FSTL5: variants seen among roughly 807,000 people sequenced by gnomAD.
FSTL5 encodes the protein follistatin like 5.
In FSTL5, 62 loss-of-function variants were observed where a neutral mutation model predicts 89.1. The ratio of observed to expected loss-of-function variants is 0.70; its 90% CI spans 0.57 to 0.86. The LOEUF (loss-of-function observed/expected upper bound fraction) is 0.86, where lower values mean the gene tolerates loss of function less well. FSTL5 is among the 40% of genes least tolerant of loss of function. The probability of loss-of-function intolerance (pLI) is 0.00; values close to 1 mark genes in which losing one functional copy is unlikely to be tolerated. For missense variants in FSTL5, 1,057 were observed against 1,001.6 expected, an observed-to-expected ratio of 1.06 and a Z score of -0.75; for synonymous variants, 383 against 346.2, an observed-to-expected ratio of 1.11 and a Z score of -1.18.
At chr4:162,137,222 G>A (rs1296104523) in intron 1 of FSTL5, among the ~76,000 whole-genome samples, 3 of 152,000 alleles carry the variant, frequency 2.0e-5, no homozygotes, top group African/African-American at 7.2e-5. Flanking sequence ...CTTTTAATAT[G>A]TACCAAAATA....
At chr4:161,637,513 G>T (rs2126663687) in intron 7 of FSTL5, among the ~76,000 whole-genome samples, 1 of 151,854 alleles carries the variant, frequency 6.6e-6, no homozygotes. Flanking sequence ...ATTGCTTTTG[G>T]TGTTTTGGAC....
At chr4:161,726,792 T>C (rs1560811783) in intron 6 of FSTL5, among the ~76,000 whole-genome samples, 1 of 151,794 alleles carries the variant, frequency 6.6e-6, no homozygotes, top group Non-Finnish European at 1.5e-5. Context: ...ATATTTCCTC[T>C]GAAAGCAGAT....
chr4:161,457,025 T>C (rs905178379), intron 14 of FSTL5, among the ~76,000 whole-genome samples: 2 of 152,162 alleles, frequency 1.3e-5, no homozygotes, highest in African/African-American at 4.8e-5. Context: ...TTCGTGCAAC[T>C]GTGCTGAACA....
intron 7 of FSTL5, among the ~76,000 whole-genome samples, chr4:161,593,510 G>T (rs980381423): frequency 2.0e-5 from 3 of 151,160 alleles, no homozygotes; most frequent in African/African-American, 7.3e-5. Flanking sequence ...AAGAGAAAGA[G>T]AGAAAGAGAT....
At chr4:161,702,890 G>T (rs1043324626) in intron 6 of FSTL5, among the ~76,000 whole-genome samples, 2 of 151,928 alleles carry the variant, frequency 1.3e-5, no homozygotes, top group Non-Finnish European at 2.9e-5. Context: ...ATATGTTAAG[G>T]TCCTAATCCC....
At chr4:161,423,339 T>C (rs968999963) in intron 15 of FSTL5, among the ~76,000 whole-genome samples, 2 of 152,182 alleles carry the variant, frequency 1.3e-5, no homozygotes, top group Non-Finnish European at 2.9e-5. Flanking sequence ...GTAAAACACA[T>C]TGTGATTTAT....
intron 15 of FSTL5, among the ~76,000 whole-genome samples, chr4:161,454,720 A>T (rs1449794491): frequency 6.6e-6 from 1 of 152,182 alleles, no homozygotes; most frequent in Non-Finnish European, 1.5e-5. Context: ...AGTAAGAAAA[A>T]TCTTAATGAC....
At position 161,587,450 on chromosome 4, in the gene FSTL5, C is replaced by A; in HGVS notation, c.1015+5G>T. 6.2e-7 allele frequency: 1 copy of A among 1,612,834 alleles called. No homozygotes were observed. The highest frequency in any genetic ancestry group is 1.1e-5 in the South Asian group (1 of 91,054). On this transcript the variant is annotated splice_donor_5th_base_variant and intron_variant, in intron 8 of 15. Transcript: ENST00000306100. ...ATAGTTAGGGTAACAAAAATCACTTCTTACCATTCACTTGGAAGATGTGAG... is the reference window on the plus strand; with the variant it reads ...ATAGTTAGGGTAACAAAAATCACTTATTACCATTCACTTGGAAGATGTGAG...
intron 3 of FSTL5, among the ~76,000 whole-genome samples, chr4:162,031,644 C>T (rs549747960): frequency 1.3e-5 from 2 of 152,064 alleles, no homozygotes; most frequent in Admixed American, 6.6e-5. Context: ...TACTTAAAAG[C>T]CAGGAGTCTA....
intron 3 of FSTL5, among the ~76,000 whole-genome samples, chr4:161,965,769 G>A (rs958899944): frequency 6.6e-6 from 1 of 152,084 alleles, no homozygotes; most frequent in African/African-American, 2.4e-5. Flanking sequence ...CTTAATTGGT[G>A]AGAAGACGGC....
At position 162,102,559 on chromosome 4, in the gene FSTL5, CTATAT is replaced by C. The variant is rs544084379; in HGVS notation, c.126+8707_126+8711del. Among the ~76,000 whole-genome samples, 714 of 145,400 alleles carry C rather than the reference CTATAT, an allele frequency of 4.9e-3. 5 individuals are homozygous for C. The highest frequency in any genetic ancestry group is 0.017 in the African/African-American group (661 of 39,868). On this transcript the variant is annotated intron_variant, in intron 2 of 15. Coordinates refer to ENST00000306100, the MANE Select transcript of FSTL5 (RefSeq NM_020116.5). Reference sequence around the variant, plus strand: ...AGTACTTTCTCTTACCCCACTCCATCTATATTATAATATTTATATATATAAAATAG... The same window carrying C: ...AGTACTTTCTCTTACCCCACTCCATCTATAATATTTATATATATAAAATAG...
intron 2 of FSTL5, among the ~76,000 whole-genome samples, chr4:162,065,203 A>AT (rs962669672): frequency 1.3e-5 from 2 of 151,986 alleles, no homozygotes; most frequent in Admixed American, 6.6e-5. Flanking sequence ...CTTGGCAATG[A>AT]TTTTTTAGGG....
chr4:161,754,308 A>G (rs949060815), intron 6 of FSTL5, among the ~76,000 whole-genome samples: 8 of 152,106 alleles, frequency 5.3e-5, no homozygotes, highest in Non-Finnish European at 1.5e-5. Flanking sequence ...TATAAAGATC[A>G]TGTTGAATTA....
intron 8 of FSTL5, among the ~76,000 whole-genome samples, chr4:161,586,304 A>T (rs1283787243): frequency 6.6e-6 from 1 of 152,174 alleles, no homozygotes; most frequent in Non-Finnish European, 1.5e-5. Context: ...CCTCAATTGA[A>T]TACTTGACAT....
chr4:161,586,195 T>G (rs1733611870), intron 8 of FSTL5, among the ~76,000 whole-genome samples: 1 of 152,218 alleles, frequency 6.6e-6, no homozygotes, highest in African/African-American at 2.4e-5. Flanking sequence ...CCATTTATAT[T>G]TATTTCTAAA....
At chr4:162,083,069 C>A (rs1004649237) in intron 2 of FSTL5, among the ~76,000 whole-genome samples, 8 of 151,582 alleles carry the variant, frequency 5.3e-5, no homozygotes, top group Non-Finnish European at 8.9e-5. Flanking sequence ...TACTCAATGG[C>A]AAGTGCTTTG....
chr4:161,600,453 G>A (rs979738460), intron 7 of FSTL5, among the ~76,000 whole-genome samples: 1 of 151,448 alleles, frequency 6.6e-6, no homozygotes, highest in South Asian at 2.1e-4. Context: ...TTTTTTAATT[G>A]TAAGTGACCT....
chr4:161,514,212 GATAA>G (rs1355558748), intron 10 of FSTL5, among the ~76,000 whole-genome samples: 11 of 151,228 alleles, frequency 7.3e-5, no homozygotes, highest in Admixed American at 5.9e-4. Context: ...TGGATGATTG[GATAA>G]ATAAAGTATT....
chr4:162,134,537 A>G (rs1561038038), intron 1 of FSTL5, among the ~76,000 whole-genome samples: 1 of 152,204 alleles, frequency 6.6e-6, no homozygotes. Context: ...AAACAACTTA[A>G]TAACTCTTTG....
Sources: allele counts gnomAD v4.1 joint callset (sites outside exome capture counted in the v4.1 genomes callset), GRCh38; gene constraint gnomAD v4.1.1; transcripts MANE v1.5; gene names NCBI Gene and HGNC (gene_info 2026-07-23, HGNC 2026-07-21).